PPT2: variants seen among roughly 807,000 people sequenced by gnomAD.
PPT2 encodes the protein palmitoyl-protein thioesterase 2, also known as lysosomal thioesterase PPT2.
PPT2 carries 20 observed loss-of-function variants against 37.3 expected under a neutral mutation model. That is an observed-to-expected ratio of 0.54 (90% CI 0.38 to 0.78). PPT2 has a LOEUF of 0.78. Among genes scored for constraint, PPT2 ranks in the 30% least tolerant of loss-of-function variants. The probability of loss-of-function intolerance (pLI) is 0.00; values close to 1 mark genes in which losing one functional copy is unlikely to be tolerated. For missense variants in PPT2, 270 were observed against 389.8 expected (o/e 0.69, Z 2.59); for synonymous variants, 135 against 159.1 (o/e 0.85, Z 1.14).
rs959546330 is a variant in PPT2, at chr6:32,155,290, C to T, written c.337+107C>T. 6.8e-6 allele frequency: 9 copies of T among 1,323,256 alleles called. No homozygotes were observed. The highest frequency in any genetic ancestry group is 2.9e-5 in the African/African-American group (2 of 68,426). The allele number at this position is 1,323,256 out of a possible 1,614,324, so 82.0% of individuals were successfully genotyped here. On this transcript the variant is annotated intron_variant, in intron 3 of 8. Transcript: ENST00000324816. This position sits in a 1 kb window ranked among gnomAD's most constrained non-coding sequence, Gnocchi z 4.3. ...TTTCTGAACCACATTGCTCCAGGCA[C>T]AACCCTGGTACCTGAGCCCTTCCTT...
At chr6:32,161,783 C>T (rs146031165) in intron 7 of PPT2, among the ~76,000 whole-genome samples, 75 of 152,094 alleles carry the variant, frequency 4.9e-4, no homozygotes, top group Middle Eastern at 3.4e-3. Flanking sequence ...AGGGTTTCTC[C>T]GTGTTGGCCA....
At chr6:32,160,052 T>G (rs911021330) in intron 7 of PPT2, among the ~76,000 whole-genome samples, 6 of 150,658 alleles carry the variant, frequency 4.0e-5, no homozygotes, top group Admixed American at 6.7e-5. Context: ...TAGATAGATA[T>G]ATATTTTTTG....
At chr6:32,153,890 T>TG, upstream of PPT2, 1 of 1,251,822 alleles carries the variant, frequency 8.0e-7, no homozygotes. The surrounding 1 kb of genome is among the most constrained non-coding windows in gnomAD (Gnocchi z 4.4). Flanking sequence ...TTTGGGTCGC[T>TG]GGGGGCAACG....
chr6:32,160,987 CAA>C (rs9281663), intron 7 of PPT2, among the ~76,000 whole-genome samples: 22 of 107,040 alleles, frequency 2.1e-4, no homozygotes, highest in East Asian at 2.9e-4. Flanking sequence ...GACCCTGTCT[CAA>C]AAAAAAAAAA....
upstream of PPT2, chr6:32,153,779 G>C: frequency 8.7e-7 from 1 of 1,145,872 alleles, no homozygotes; most frequent in South Asian, 1.6e-5. This position sits in a 1 kb window ranked among gnomAD's most constrained non-coding sequence, Gnocchi z 4.4. Flanking sequence ...TCCCTGGTCC[G>C]CCCCCTGGCC....
rs767427607 is a variant in PPT2 at position 32,162,873 on chromosome 6, A to G, written c.832A>G (p.Met278Val). The G allele has an allele frequency of 3.7e-6, 6 of 1,613,732 alleles. No homozygotes were observed. Among genetic ancestry groups the G allele is most frequent in the Admixed American group, 3.3e-5 (2 of 59,988 alleles). Residue 278 changes from methionine (M) to valine (V), a missense_variant, in exon 9 of 9, where the codon ATG becomes GTG. Physicochemically the swap from Met to Val is conservative, Grantham distance 21. Coordinates refer to ENST00000324816, the MANE Select transcript of PPT2 (RefSeq NM_005155.7). The surrounding 1 kb of genome is among the most constrained non-coding windows in gnomAD (Gnocchi z 5.5). ...CCGGGGGGCCATAGTGAGGTGTCCA[A>G]TGGCCGGTATCTCCCACACAGCCTG... ...LARGAIVRCP[M>V]AGISHTAWHS...
At chr6:32,153,945 C>T, upstream of PPT2, 1 of 1,375,702 alleles carries the variant, frequency 7.3e-7, no homozygotes, top group South Asian at 1.7e-5. The surrounding 1 kb of genome is among the most constrained non-coding windows in gnomAD (Gnocchi z 4.4). Flanking sequence ...ATGTTTGCTG[C>T]TTTTTCCTCT....
In PPT2 at chr6:32,162,938, T is replaced by C. The variant is rs776463981; in HGVS notation, c.897T>C (p.Pro299=). The change falls in exon 9 of 9, where the codon CCT becomes CCC. Residue 299 remains proline, a synonymous_variant. Coordinates refer to ENST00000324816, the MANE Select transcript of PPT2 (RefSeq NM_005155.7). This position sits in a 1 kb window ranked among gnomAD's most constrained non-coding sequence, Gnocchi z 5.5. ...NRTLYETCIE[P]WLS ...CCCTTTATGAGACCTGCATTGAACC[T>C]TGGCTCTCCTGAGGATATATTCAGG... 3 of 1,613,382 alleles carry C rather than the reference T, an allele frequency of 1.9e-6. No homozygotes were observed. The highest frequency in any genetic ancestry group is 2.5e-6 in the Non-Finnish European group (3 of 1,179,796).
rs967186981 is a variant in PPT2, at chr6:32,163,338, G to T, written c.*388G>T. On this transcript the variant is annotated 3_prime_UTR_variant, in exon 9 of 9. Coordinates refer to ENST00000324816, the MANE Select transcript of PPT2 (RefSeq NM_005155.7). ...TGCCCACCACAGGGGTCTCCTTCCA[G>T]GCCACTCAGGACATTTTTAGCTTCT... 4 of 212,878 alleles carry T rather than the reference G, an allele frequency of 1.9e-5. No individual in the cohort carries two copies. The highest frequency in any genetic ancestry group is 1.6e-4 in the Admixed American group (3 of 19,234). 13.2% of individuals were successfully genotyped at this position (212,878 alleles called of 1,614,324 possible). A position where few individuals can be genotyped will look rare whatever the true frequency, so the allele number is the denominator to read the frequency against.
rs184617113 is a variant in PPT2, at chr6:32,161,109, T to C, written c.711-1459T>C. Among the ~76,000 whole-genome samples, 32 of 151,512 alleles carry C rather than the reference T, an allele frequency of 2.1e-4. No homozygotes were observed. In the East Asian group the frequency reaches 6.0e-3, roughly 28 times the overall value. On this transcript the variant is annotated intron_variant, in intron 7 of 8. Coordinates refer to ENST00000324816, the MANE Select transcript of PPT2 (RefSeq NM_005155.7). Reference sequence around the variant, plus strand: ...AATATCTTTTTTCTCTAAATATATATACATTTATTTATATACGTTAATGTT... The same window carrying C: ...AATATCTTTTTTCTCTAAATATATACACATTTATTTATATACGTTAATGTT...
chr6:32,159,210 G>T (rs1273660265), intron 7 of PPT2, among the ~76,000 whole-genome samples: 1 of 151,876 alleles, frequency 6.6e-6, no homozygotes, highest in African/African-American at 2.4e-5. Context: ...CGAGGCAGTG[G>T]ATCACCTGAG....
At chr6:32,159,314 TC>T (rs1427091746) in intron 7 of PPT2, among the ~76,000 whole-genome samples, 1 of 150,916 alleles carries the variant, frequency 6.6e-6, no homozygotes, top group Non-Finnish European at 1.5e-5. Context: ...ATGCATGTAA[TC>T]CCAGCTACTT....
chr6:32,162,593 G>A lies in PPT2; in HGVS notation c.736G>A (p.Glu246Lys). The A allele has an allele frequency of 2.5e-6, 4 of 1,611,660 alleles. No homozygotes were observed. Among genetic ancestry groups the A allele is most frequent in the Non-Finnish European group, 3.4e-6 (4 of 1,177,724 alleles). Reference sequence around the variant, plus strand: ...CTTCTTTGGTTTCTATGATGCAAATGAGACCGTCCTGGAGATGGAGGAGCA... The same window carrying A: ...CTTCTTTGGTTTCTATGATGCAAATAAGACCGTCCTGGAGATGGAGGAGCA... ...SSFFGFYDANETVLEMEEQLV... is the reference protein window; with the variant it reads ...SSFFGFYDANKTVLEMEEQLV... The change falls in exon 8 of 9, where the codon GAG (glutamate) becomes AAG (lysine). Residue 246 changes from glutamate to lysine, a missense_variant. Coordinates refer to ENST00000324816, the MANE Select transcript of PPT2 (RefSeq NM_005155.7). The surrounding 1 kb of genome is among the most constrained non-coding windows in gnomAD (Gnocchi z 5.5).
In PPT2 at chr6:32,156,444, G is replaced by A. The variant is rs1377539529; in HGVS notation, c.541+466G>A. Among the ~76,000 whole-genome samples the A allele has an allele frequency of 6.6e-6, 1 of 152,168 alleles. No homozygotes were observed. Among genetic ancestry groups the A allele is most frequent in the Non-Finnish European group, 1.5e-5 (1 of 68,026 alleles). On this transcript the variant is annotated intron_variant, in intron 5 of 8. Coordinates refer to ENST00000324816, the MANE Select transcript of PPT2 (RefSeq NM_005155.7). This position sits in a 1 kb window ranked among gnomAD's most constrained non-coding sequence, Gnocchi z 4.9. Reference sequence around the variant, plus strand: ...GTGTGTCACCTTATTGCCTTAGAAGGTTTAGTCTGATGTGGGAGTCAGCAA... The same window carrying A: ...GTGTGTCACCTTATTGCCTTAGAAGATTTAGTCTGATGTGGGAGTCAGCAA...
chr6:32,155,636 T>G lies in PPT2; in HGVS notation c.338-52T>G. On this transcript the variant is annotated intron_variant, in intron 3 of 8. Transcript: ENST00000324816. The surrounding 1 kb of genome is among the most constrained non-coding windows in gnomAD (Gnocchi z 4.3). Reference sequence around the variant, plus strand: ...TGTGTGTGGTGGGGGTGGGGGGTGCTGCTGGCTTTGCTGTCCTTAAGTGCC... The same window carrying G: ...TGTGTGTGGTGGGGGTGGGGGGTGCGGCTGGCTTTGCTGTCCTTAAGTGCC... 7.3e-7 allele frequency: 1 copy of G among 1,369,894 alleles called. No individual in the cohort carries two copies. Among genetic ancestry groups the G allele is most frequent in the South Asian group, 1.2e-5 (1 of 86,044 alleles). The allele number at this position is 1,369,894 out of a possible 1,614,324, so 84.9% of individuals were successfully genotyped here.
At position 32,156,604 on chromosome 6, in the gene PPT2, C is replaced by G. The variant is rs1177270031; in HGVS notation, c.541+626C>G. 6.6e-6 allele frequency among the ~76,000 whole-genome samples: 1 copy of G among 152,128 alleles called. No individual in the cohort carries two copies. The highest frequency in any genetic ancestry group is 2.4e-5 in the African/African-American group (1 of 41,434). On this transcript the variant is annotated intron_variant, in intron 5 of 8. Coordinates refer to ENST00000324816, the MANE Select transcript of PPT2 (RefSeq NM_005155.7). This position sits in a 1 kb window ranked among gnomAD's most constrained non-coding sequence, Gnocchi z 4.9. ...ATATGTGAATGAATGTGCCTGTGTT[C>G]CAGTAAAACTTCATTTACAAAAACA... is the stretch of plus-strand genomic sequence containing the variant.
At position 32,155,755 on chromosome 6, in the gene PPT2, C is replaced by T; in HGVS notation, c.405C>T (p.Leu135=). 6.2e-7 allele frequency: 1 copy of T among 1,614,136 alleles called. No individual in the cohort carries two copies. The highest frequency in any genetic ancestry group is 1.1e-5 in the South Asian group (1 of 91,082). Residue 135 remains leucine (L), a synonymous_variant, in exon 4 of 9, where the codon CTC becomes CTT. Transcript: ENST00000324816. This position sits in a 1 kb window ranked among gnomAD's most constrained non-coding sequence, Gnocchi z 4.3. ...DDHNVDSFIS[L]SSPQMGQYGD... ...ACAACGTGGATTCTTTCATCTCCCT[C>T]TCCTCTCCACAGATGGGACAGTATG...
intron 7 of PPT2, among the ~76,000 whole-genome samples, chr6:32,158,798 C>A (rs1159680811): frequency 6.6e-6 from 1 of 151,922 alleles, no homozygotes; most frequent in African/African-American, 2.4e-5. Flanking sequence ...TGGAAGAACC[C>A]CCCAGGGAGA....
At position 32,162,042 on chromosome 6, in the gene PPT2, C is replaced by G. The variant is rs1161184142; in HGVS notation, c.711-526C>G. ...CAGTAATGCATTTTTGATGGGGTTTCTACAGAAGTGAGGTCGTATCTTCAG... is the reference window on the plus strand; with the variant it reads ...CAGTAATGCATTTTTGATGGGGTTTGTACAGAAGTGAGGTCGTATCTTCAG... On this transcript the variant is annotated intron_variant, in intron 7 of 8. Coordinates refer to ENST00000324816, the MANE Select transcript of PPT2 (RefSeq NM_005155.7). The surrounding 1 kb of genome is among the most constrained non-coding windows in gnomAD (Gnocchi z 5.5). Among the ~76,000 whole-genome samples, 10 of 151,864 alleles carry G rather than the reference C, an allele frequency of 6.6e-5. No individual in the cohort carries two copies. The highest frequency in any genetic ancestry group is 6.6e-4 in the Admixed American group (10 of 15,246).
Sources: allele counts gnomAD v4.1 joint callset (sites outside exome capture counted in the v4.1 genomes callset), GRCh38; gene constraint gnomAD v4.1.1; non-coding constraint Gnocchi (gnomAD v3.1); transcripts MANE v1.5; gene names NCBI Gene and HGNC (gene_info 2026-07-23, HGNC 2026-07-21).